The following IMMP2L variants were observed in gnomAD, a reference collection of about 807,000 sequenced individuals.
IMMP2L encodes the protein inner mitochondrial membrane peptidase subunit 2.
In IMMP2L, 18 loss-of-function variants were observed where a neutral mutation model predicts 19.3. The observed-to-expected ratio is 0.93, with a 90% confidence interval of 0.64 to 1.38. IMMP2L has a LOEUF of 1.38. Ranked by LOEUF, IMMP2L falls within the 40% of genes most tolerant of loss-of-function variation. The pLI, the probability that IMMP2L is intolerant of heterozygous loss-of-function variation, is 0.00. For synonymous variants in IMMP2L, 76 were observed against 73.0 expected, an observed-to-expected ratio of 1.04 and a Z score of -0.21; for missense variants, 233 against 218.2, an observed-to-expected ratio of 1.07 and a Z score of -0.43.
At chr7:111,193,765 T>A (rs1809162611) in intron 3 of IMMP2L, among the ~76,000 whole-genome samples, 1 of 152,168 alleles carries the variant, frequency 6.6e-6, no homozygotes, top group East Asian at 1.9e-4. Context: ...TAAGATATTT[T>A]AGCTGGGTTA....
intron 3 of IMMP2L, among the ~76,000 whole-genome samples, chr7:111,071,650 T>G (rs772263105): frequency 1.1e-4 from 17 of 152,116 alleles, no homozygotes; most frequent in Non-Finnish European, 2.4e-4. Flanking sequence ...CACATATAAT[T>G]CCAACTATAT....
At chr7:111,138,903 GTATT>G (rs1484761448) in intron 3 of IMMP2L, among the ~76,000 whole-genome samples, 1 of 152,070 alleles carries the variant, frequency 6.6e-6, no homozygotes, top group Non-Finnish European at 1.5e-5. Flanking sequence ...GAGATTGCCT[GTATT>G]TATTTTCTAG....
At chr7:111,328,944 G>GA (rs962925432) in intron 3 of IMMP2L, among the ~76,000 whole-genome samples, 3 of 149,640 alleles carry the variant, frequency 2.0e-5, no homozygotes, top group East Asian at 1.9e-4. Context: ...ATAACACAGA[G>GA]AAAAAAAAAG....
chr7:111,066,666 C>G (rs1563208418), intron 3 of IMMP2L, among the ~76,000 whole-genome samples: 1 of 152,118 alleles, frequency 6.6e-6, no homozygotes, highest in Admixed American at 6.5e-5. Context: ...CTGTGTAGTA[C>G]AGAATTTAAC....
intron 3 of IMMP2L, among the ~76,000 whole-genome samples, chr7:111,233,777 A>C (rs1156343235): frequency 6.6e-6 from 1 of 152,100 alleles, no homozygotes; most frequent in East Asian, 1.9e-4. Context: ...AACTTACATG[A>C]AATAACTTAA....
At chr7:111,256,150 G>C (rs2129633339) in intron 3 of IMMP2L, among the ~76,000 whole-genome samples, 1 of 151,996 alleles carries the variant, frequency 6.6e-6, no homozygotes, top group African/African-American at 2.4e-5. Flanking sequence ...ATTCTAGCAA[G>C]CCCATTTTAA....
intron 4 of IMMP2L, chr7:110,963,117 T>C (rs940535475): frequency 6.7e-7 from 1 of 1,502,200 alleles, no homozygotes; most frequent in African/African-American, 1.4e-5. Flanking sequence ...GTCCTCTTAG[T>C]TTCTGCATTT....
At chr7:111,536,182 T>C (rs1262391986) in intron 1 of IMMP2L, among the ~76,000 whole-genome samples, 1 of 152,192 alleles carries the variant, frequency 6.6e-6, no homozygotes, top group African/African-American at 2.4e-5. Flanking sequence ...TACTTTAAAA[T>C]ATGGGTTTTA....
At chr7:111,446,680 A>G (rs1005143289) in intron 3 of IMMP2L, among the ~76,000 whole-genome samples, 1 of 152,258 alleles carries the variant, frequency 6.6e-6, no homozygotes. Flanking sequence ...GCAGTTCCTC[A>G]CCAGCAACGG....
intron 3 of IMMP2L, among the ~76,000 whole-genome samples, chr7:111,241,700 T>A (rs1815065230): frequency 6.6e-6 from 1 of 150,958 alleles, no homozygotes; most frequent in South Asian, 2.1e-4. Context: ...GTATAAATTG[T>A]ATATATATAT....
intron 3 of IMMP2L, among the ~76,000 whole-genome samples, chr7:111,289,264 G>C (rs1389017905): frequency 6.6e-6 from 1 of 151,524 alleles, no homozygotes; most frequent in African/African-American, 2.4e-5. Context: ...ATGGGGGCTT[G>C]TCAGGGGGTT....
intron 5 of IMMP2L, among the ~76,000 whole-genome samples, chr7:110,768,238 G>T (rs1285578720): frequency 6.8e-6 from 1 of 147,344 alleles, no homozygotes; most frequent in Non-Finnish European, 1.5e-5. Context: ...ACGGAAAGAA[G>T]ACCCTGCCTT....
chr7:111,287,280 G>T (rs775865021), intron 3 of IMMP2L, among the ~76,000 whole-genome samples: 2 of 152,114 alleles, frequency 1.3e-5, no homozygotes, highest in Non-Finnish European at 2.9e-5. Flanking sequence ...AAGCCATTAC[G>T]ATACAAAATG....
intron 5 of IMMP2L, among the ~76,000 whole-genome samples, chr7:110,683,231 T>C (rs1792857788): frequency 6.6e-6 from 1 of 152,110 alleles, no homozygotes; most frequent in African/African-American, 2.4e-5. Context: ...CTCATATACA[T>C]TAAATATATA....
chr7:110,986,808 T>A (rs1821907907), intron 3 of IMMP2L, among the ~76,000 whole-genome samples: 1 of 149,214 alleles, frequency 6.7e-6, no homozygotes, highest in South Asian at 2.2e-4. Flanking sequence ...TTGAAATATA[T>A]CTTCTTAGTT....
intron 3 of IMMP2L, among the ~76,000 whole-genome samples, chr7:111,041,839 T>C (rs1585911092): frequency 1.3e-5 from 2 of 152,134 alleles, no homozygotes; most frequent in African/African-American, 4.8e-5. Context: ...CAATCTAGTG[T>C]AGTTAGTGTC....
At chr7:111,292,875 G>A (rs1248586450) in intron 3 of IMMP2L, among the ~76,000 whole-genome samples, 1 of 151,846 alleles carries the variant, frequency 6.6e-6, no homozygotes, top group East Asian at 1.9e-4. Context: ...TCTTCTTTAT[G>A]GAACAACCAT....
At chr7:111,400,105 C>T (rs1310960909) in intron 3 of IMMP2L, among the ~76,000 whole-genome samples, 2 of 152,068 alleles carry the variant, frequency 1.3e-5, no homozygotes, top group Non-Finnish European at 2.9e-5. Flanking sequence ...GATCACAGCC[C>T]TTATCACCTT....
intron 1 of IMMP2L, among the ~76,000 whole-genome samples, chr7:111,529,603 A>G (rs1181803700): frequency 1.3e-5 from 2 of 152,196 alleles, no homozygotes; most frequent in African/African-American, 4.8e-5. Flanking sequence ...AAAGAGGAAA[A>G]CCAGCCAAAA....
Sources: gnomAD v4.1 joint callset for allele counts (sites outside exome capture counted in the v4.1 genomes callset) on GRCh38, gnomAD v4.1.1 for gene constraint, MANE v1.5 for transcripts, NCBI Gene and HGNC (gene_info 2026-07-23, HGNC 2026-07-21) for gene names.